RGS6: variants seen among roughly 807,000 people sequenced by gnomAD.
RGS6 encodes regulator of G protein signaling 6.
In RGS6, 30 loss-of-function variants were observed where a neutral mutation model predicts 78.5. The ratio of observed to expected loss-of-function variants is 0.38; its 90% CI spans 0.29 to 0.52. The LOEUF is 0.52. Ranked by LOEUF, RGS6 falls within the 20% of genes least tolerant of loss-of-function variation. The pLI is 0.85. For missense variants in RGS6, 495 were observed against 609.7 expected (o/e 0.81, Z 1.98); for synonymous variants, 206 against 206.0 (o/e 1.00, Z 0.00).
At chr14:72,589,455 C>T in the RGS6 span, among the ~76,000 whole-genome samples, 1 of 152,166 alleles carries the variant, frequency 6.6e-6, no homozygotes, top group Admixed American at 6.5e-5. Flanking sequence ...GAGGCTGAGG[C>T]AGGAGAATCA....
chr14:72,373,261 T>C (rs1356327343), intron 3 of RGS6, among the ~76,000 whole-genome samples: 1 of 152,184 alleles, frequency 6.6e-6, no homozygotes, highest in African/African-American at 2.4e-5. Flanking sequence ...TTATTTCCCA[T>C]TGGTACCTCA....
chr14:72,331,888 A>G (rs1400010431), intron 2 of RGS6, among the ~76,000 whole-genome samples: 1 of 152,212 alleles, frequency 6.6e-6, no homozygotes, highest in Non-Finnish European at 1.5e-5. Flanking sequence ...TTTGTCCCTT[A>G]GAGAAAAAAG....
intron 2 of RGS6, among the ~76,000 whole-genome samples, chr14:72,046,729 C>A (rs1445883741): frequency 6.6e-6 from 1 of 151,970 alleles, no homozygotes; most frequent in Admixed American, 6.6e-5. Context: ...TAGAAGTATT[C>A]CTTAATGGCT....
At chr14:72,159,678 C>A (rs2096825723) in intron 2 of RGS6, among the ~76,000 whole-genome samples, 2 of 152,144 alleles carry the variant, frequency 1.3e-5, no homozygotes, top group Non-Finnish European at 2.9e-5. Flanking sequence ...TTCCAGTGCT[C>A]CACATATGGC....
At chr14:72,035,399 A>T (rs756181386) in intron 2 of RGS6, among the ~76,000 whole-genome samples, 6 of 151,218 alleles carry the variant, frequency 4.0e-5, no homozygotes, top group Admixed American at 6.6e-5. Flanking sequence ...AGGATTTATC[A>T]ATTCTATTGG....
At chr14:72,404,198 A>G (rs961906605) in intron 3 of RGS6, among the ~76,000 whole-genome samples, 29 of 152,218 alleles carry the variant, frequency 1.9e-4, no homozygotes, top group African/African-American at 6.8e-4. Context: ...TAGGAGGTGT[A>G]GGTCAAAGTC....
chr14:72,115,196 A>G (rs568668693), intron 2 of RGS6, among the ~76,000 whole-genome samples: 1 of 152,308 alleles, frequency 6.6e-6, no homozygotes, highest in Admixed American at 6.5e-5. Flanking sequence ...TCAGGGTTTG[A>G]TTAGAGAAGC....
intron 2 of RGS6, among the ~76,000 whole-genome samples, chr14:72,185,387 T>G (rs898634983): frequency 1.3e-5 from 2 of 152,174 alleles, no homozygotes; most frequent in African/African-American, 2.4e-5. Context: ...TATTTGAGTG[T>G]TTCTGTAAAT....
intron 17 of RGS6, chr14:72,547,038 G>A: frequency 1.3e-6 from 1 of 784,724 alleles, no homozygotes; most frequent in Non-Finnish European, 2.1e-6. Flanking sequence ...CATGGGAACT[G>A]TGTGGGCTCC....
intron 2 of RGS6, among the ~76,000 whole-genome samples, chr14:72,057,320 A>G (rs1282575183): frequency 1.0e-4 from 14 of 140,342 alleles, no homozygotes; most frequent in Non-Finnish European, 2.2e-4. Context: ...TCTGAAAAAA[A>G]AAAAAAAAAA....
At chr14:71,946,137 T>G (rs1200945485) in intron 1 of RGS6, among the ~76,000 whole-genome samples, 1 of 152,114 alleles carries the variant, frequency 6.6e-6, no homozygotes, top group African/African-American at 2.4e-5. Flanking sequence ...TTTTTTTAGG[T>G]GAAGGGACTT....
chr14:72,551,155 T>G (rs917923043), intron 17 of RGS6, among the ~76,000 whole-genome samples: 5 of 151,438 alleles, frequency 3.3e-5, no homozygotes, highest in Non-Finnish European at 5.9e-5. Context: ...CTTTCTTGAA[T>G]AGTTATCATA....
chr14:72,301,709 C>T (rs2066102146), intron 2 of RGS6, among the ~76,000 whole-genome samples: 1 of 152,156 alleles, frequency 6.6e-6, no homozygotes, highest in South Asian at 2.1e-4. Flanking sequence ...TGCCACACCT[C>T]TTCCTTAGCA....
At chr14:72,503,148 G>C (rs1354640148) in intron 13 of RGS6, among the ~76,000 whole-genome samples, 1 of 152,134 alleles carries the variant, frequency 6.6e-6, no homozygotes, top group East Asian at 1.9e-4. Flanking sequence ...AAAGGCAAGA[G>C]AGCTCTGGGG....
intron 2 of RGS6, among the ~76,000 whole-genome samples, chr14:72,056,227 C>T (rs1012684124): frequency 1.3e-5 from 2 of 152,186 alleles, no homozygotes; most frequent in East Asian, 1.9e-4. Flanking sequence ...AAGCCTGCGC[C>T]GTGTCACAGA....
At chr14:72,189,098 C>T (rs1162899613) in intron 2 of RGS6, among the ~76,000 whole-genome samples, 1 of 152,096 alleles carries the variant, frequency 6.6e-6, no homozygotes, top group Non-Finnish European at 1.5e-5. Flanking sequence ...CCTTGTGGGC[C>T]ATATGATCTC....
intron 16 of RGS6, among the ~76,000 whole-genome samples, chr14:72,537,931 C>T (rs920653551): frequency 6.6e-6 from 1 of 152,194 alleles, no homozygotes; most frequent in Non-Finnish European, 1.5e-5. Flanking sequence ...ATCCTCCCTT[C>T]CAAGAAGAAA....
intron 17 of RGS6, among the ~76,000 whole-genome samples, chr14:72,548,827 A>T (rs2097451872): frequency 6.6e-6 from 1 of 152,234 alleles, no homozygotes. Flanking sequence ...ATAGATAGGT[A>T]GATACTAAAA....
chr14:72,108,206 A>G (rs2095674080), intron 2 of RGS6, among the ~76,000 whole-genome samples: 1 of 152,140 alleles, frequency 6.6e-6, no homozygotes, highest in South Asian at 2.1e-4. Flanking sequence ...TGGATATAAA[A>G]TCCTTGGCTT....
Sources: gnomAD v4.1 joint callset for allele counts (sites outside exome capture counted in the v4.1 genomes callset) on GRCh38, gnomAD v4.1.1 for gene constraint, MANE v1.5 for transcripts, NCBI Gene and HGNC (gene_info 2026-07-23, HGNC 2026-07-21) for gene names.